The following KCNIP4 variants were observed in gnomAD, a reference collection of about 807,000 sequenced individuals.
The protein encoded by KCNIP4 is potassium voltage-gated channel interacting protein 4, also known as Kv channel-interacting protein 4.
KCNIP4 carries 12 observed loss-of-function variants against 34.0 expected under a neutral mutation model. The ratio of observed to expected loss-of-function variants is 0.35; its 90% CI spans 0.23 to 0.57. KCNIP4 has a LOEUF of 0.57. Among genes scored for constraint, KCNIP4 ranks in the 20% least tolerant of loss-of-function variants. KCNIP4 has a pLI of 0.83. For missense variants in KCNIP4, 238 were observed against 311.7 expected (o/e 0.76, Z 1.78); for synonymous variants, 124 against 102.2 (o/e 1.21, Z -1.29).
chr4:20,825,306 C>A (rs1239226515), intron 3 of KCNIP4, among the ~76,000 whole-genome samples: 1 of 134,412 alleles, frequency 7.4e-6, no homozygotes. Flanking sequence ...TGTATGGAGA[C>A]AATTAGAACA....
chr4:21,013,464 G>C (rs970870617), intron 1 of KCNIP4, among the ~76,000 whole-genome samples: 2 of 151,862 alleles, frequency 1.3e-5, no homozygotes, highest in African/African-American at 2.4e-5. Context: ...ACCAGGCATG[G>C]GGTCGACCAG....
chr4:21,798,731 AT>A (rs1720802166), intron 1 of KCNIP4, among the ~76,000 whole-genome samples: 1 of 152,008 alleles, frequency 6.6e-6, no homozygotes, highest in South Asian at 2.1e-4. Context: ...TCAGCTTTAC[AT>A]TTATAAGTTC....
chr4:21,049,629 A>T (rs1192091724), intron 1 of KCNIP4, among the ~76,000 whole-genome samples: 1 of 152,202 alleles, frequency 6.6e-6, no homozygotes, highest in Non-Finnish European at 1.5e-5. Context: ...ATACCCAGAA[A>T]GTTCTGCATG....
At chr4:21,905,108 G>T (rs1465973301) in intron 1 of KCNIP4, among the ~76,000 whole-genome samples, 1 of 152,122 alleles carries the variant, frequency 6.6e-6, no homozygotes, top group Non-Finnish European at 1.5e-5. Context: ...TTTCCATAAT[G>T]ACCCCAAAGC....
intron 1 of KCNIP4, among the ~76,000 whole-genome samples, chr4:21,176,508 C>G (rs576700195): frequency 5.3e-5 from 8 of 152,164 alleles, no homozygotes; most frequent in African/African-American, 1.9e-4. Context: ...CCTGTTCTAG[C>G]TCTATTTATT....
At chr4:21,293,798 T>G (rs1331978821) in intron 1 of KCNIP4, among the ~76,000 whole-genome samples, 1 of 152,152 alleles carries the variant, frequency 6.6e-6, no homozygotes, top group Non-Finnish European at 1.5e-5. Flanking sequence ...GGCATGGAAG[T>G]TAACATTTAT....
At chr4:21,340,250 A>G (rs1412810659) in intron 1 of KCNIP4, among the ~76,000 whole-genome samples, 2 of 78,936 alleles carry the variant, frequency 2.5e-5, no homozygotes, top group Non-Finnish European at 4.7e-5. Flanking sequence ...AAAGCTTTCC[A>G]AGATGTAGTA....
chr4:21,552,048 A>C (rs950109610), intron 1 of KCNIP4, among the ~76,000 whole-genome samples: 9 of 124,568 alleles, frequency 7.2e-5, no homozygotes, highest in East Asian at 3.2e-4. Flanking sequence ...TAAAAAAAAA[A>C]AAAACAAAAA....
chr4:21,316,839 A>G (rs766143287), intron 1 of KCNIP4, among the ~76,000 whole-genome samples: 1 of 152,190 alleles, frequency 6.6e-6, no homozygotes, highest in Non-Finnish European at 1.5e-5. Context: ...TGAACATTCA[A>G]ATGCATTGTC....
intron 1 of KCNIP4, among the ~76,000 whole-genome samples, chr4:21,242,369 C>G (rs1294887574): frequency 1.3e-5 from 2 of 151,950 alleles, no homozygotes; most frequent in Non-Finnish European, 2.9e-5. Flanking sequence ...TGAGCAAATA[C>G]AATGCATTTT....
At chr4:20,752,981 G>GA (rs1753905481) in intron 4 of KCNIP4, 1 of 152,182 alleles carries the variant, frequency 6.6e-6, no homozygotes, top group South Asian at 2.1e-4. Context: ...CTCCGTCTAT[G>GA]ACCTCTTCGT....
At chr4:20,926,623 A>G (rs1729919980) in intron 1 of KCNIP4, among the ~76,000 whole-genome samples, 3 of 152,204 alleles carry the variant, frequency 2.0e-5, no homozygotes, top group Admixed American at 2.0e-4. Flanking sequence ...ATCCATTTAT[A>G]AGGTTCATTT....
intron 1 of KCNIP4, among the ~76,000 whole-genome samples, chr4:21,032,577 A>G (rs1741116445): frequency 6.6e-6 from 1 of 152,130 alleles, no homozygotes. Flanking sequence ...AACCTGTTTT[A>G]GAGAGCCCAG....
Position 21,758,976 on chromosome 4 carries a change from A to G in KCNIP4, c.61+189595T>C, listed in dbSNP as rs188967890. On this transcript the variant is annotated intron_variant, in intron 1 of 8. Coordinates refer to ENST00000382152, the MANE Select transcript of KCNIP4 (RefSeq NM_025221.6). ...CCTACTTATCAAGTTTGTGTGAGAA[A>G]TTAACTGAGTTGTAGAAACCACTTT... Among the ~76,000 whole-genome samples the G allele has an allele frequency of 2.1e-3, 325 of 152,256 alleles. 2 individuals are homozygous for G. The highest frequency in any genetic ancestry group is 4.0e-3 in the Non-Finnish European group (270 of 68,016).
chr4:21,462,986 G>C (rs1417506953), intron 1 of KCNIP4, among the ~76,000 whole-genome samples: 1 of 151,654 alleles, frequency 6.6e-6, no homozygotes, highest in Non-Finnish European at 1.5e-5. Flanking sequence ...ATGAGAGTGA[G>C]ACATCTCCTT....
intron 1 of KCNIP4, among the ~76,000 whole-genome samples, chr4:21,142,153 A>C (rs1272206209): frequency 5.9e-4 from 45 of 76,082 alleles, no homozygotes; most frequent in African/African-American, 2.9e-3. Flanking sequence ...ACCGTCTCAA[A>C]AAAAAAAAAA....
At chr4:21,468,986 A>G (rs1186518721) in intron 1 of KCNIP4, among the ~76,000 whole-genome samples, 1 of 152,156 alleles carries the variant, frequency 6.6e-6, no homozygotes, top group Non-Finnish European at 1.5e-5. Flanking sequence ...TAAAACACAT[A>G]CAAACAGAAG....
chr4:21,026,976 G>A (rs1740610343), intron 1 of KCNIP4, among the ~76,000 whole-genome samples: 1 of 152,124 alleles, frequency 6.6e-6, no homozygotes, highest in African/African-American at 2.4e-5. Flanking sequence ...TATTATAAAA[G>A]CATTTCTGAA....
intron 1 of KCNIP4, among the ~76,000 whole-genome samples, chr4:21,898,258 G>A (rs191520360): frequency 1.1e-4 from 16 of 152,222 alleles, no homozygotes; most frequent in Admixed American, 9.2e-4. Flanking sequence ...GCTGGGCTTG[G>A]AGTCAGTGGT....
Sources: allele counts gnomAD v4.1 joint callset (sites outside exome capture counted in the v4.1 genomes callset), GRCh38; gene constraint gnomAD v4.1.1; transcripts MANE v1.5; gene names NCBI Gene and HGNC (gene_info 2026-07-23, HGNC 2026-07-21).